Variants in GREB1 observed in about 807,000 individuals in gnomAD.
GREB1 encodes protein GREB1.
Under a neutral mutation model 200.7 loss-of-function variants are expected in GREB1, and 106 were observed. The observed-to-expected ratio is 0.53, with a 90% CI of 0.45 to 0.62. The LOEUF is 0.62. GREB1 is among the 20% of genes least tolerant of loss of function. The pLI is 0.00. For synonymous variants in GREB1, 1,132 were observed against 1,092.4 expected (o/e 1.04, Z -0.72); for missense variants, 2,243 against 2,556.8 (o/e 0.88, Z 2.65).
rs9287731 is a variant in GREB1, at chr2:11,512,669, T to A, written c.-159+30288T>A. Among the ~76,000 whole-genome samples the A allele has an allele frequency of 8.6e-4, 130 of 152,044 alleles. 1 individual carries two copies. The highest frequency in any genetic ancestry group is 3.1e-3 in the African/African-American group (127 of 41,480). ...ACCCCACCAGCTAGTACAGGAGCTCTTTGCTCAAATCAACCACCAAGCCTC... is the reference window on the plus strand; with the variant it reads ...ACCCCACCAGCTAGTACAGGAGCTCATTGCTCAAATCAACCACCAAGCCTC... On this transcript the variant is annotated intron_variant, in intron 1 of 2. Coordinates refer to the GREB1 transcript ENST00000628795.
chr2:11,585,075 C>A, intron 7 of GREB1, 86 bp from the exon 8 acceptor site: 4 of 627,792 alleles, frequency 6.4e-6, no homozygotes, highest in Non-Finnish European at 1.0e-5. Context: ...CAAAACAAAA[C>A]AGATCATTGT....
intron 1 of GREB1, among the ~76,000 whole-genome samples, chr2:11,499,301 C>A (rs369574839): frequency 9.8e-4 from 150 of 152,352 alleles, no homozygotes; most frequent in African/African-American, 3.5e-3. Context: ...TGGGAAACAG[C>A]AACAGCAAGG....
At chr2:11,538,094 C>T (rs184043992) in intron 1 of GREB1, among the ~76,000 whole-genome samples, 5 of 152,284 alleles carry the variant, frequency 3.3e-5, no homozygotes, top group Non-Finnish European at 2.9e-5. Flanking sequence ...GCCTCCCCAA[C>T]GAGTAAAGCC....
At chr2:11,532,575 C>T (rs1290190489), upstream of GREB1, among the ~76,000 whole-genome samples, 2 of 152,170 alleles carry the variant, frequency 1.3e-5, no homozygotes, top group African/African-American at 4.8e-5. Context: ...TTCTGATTGC[C>T]GCAGCAGACA....
chr2:11,533,710 G>T (rs1196290483), upstream of GREB1, among the ~76,000 whole-genome samples: 1 of 152,196 alleles, frequency 6.6e-6, no homozygotes, highest in Non-Finnish European at 1.5e-5. Context: ...ACGTTTTGGG[G>T]TAGCCAGAAA....
intron 15 of GREB1, among the ~76,000 whole-genome samples, chr2:11,600,079 G>C (rs1175447514): frequency 6.6e-6 from 1 of 152,200 alleles, no homozygotes; most frequent in African/African-American, 2.4e-5. Flanking sequence ...AGTTAGGCTG[G>C]TCAGGACATG....
chr2:11,586,480 T>C (rs1471759390), intron 9 of GREB1, among the ~76,000 whole-genome samples: 5 of 152,104 alleles, frequency 3.3e-5, no homozygotes, highest in Non-Finnish European at 7.4e-5. Flanking sequence ...GCTGAAGAAA[T>C]CTCTTTGATG....
intron 17 of GREB1, among the ~76,000 whole-genome samples, chr2:11,609,362 G>A (rs1334313098): frequency 6.6e-6 from 1 of 151,900 alleles, no homozygotes; most frequent in East Asian, 1.9e-4. Context: ...TCCATCTCCT[G>A]AGTTCAAGCG....
At chr2:11,518,300 A>G (rs1673579165) in intron 1 of GREB1, among the ~76,000 whole-genome samples, 1 of 152,196 alleles carries the variant, frequency 6.6e-6, no homozygotes, top group Admixed American at 6.5e-5. Context: ...AAATTCGTGT[A>G]TAGGAGAAAG....
At position 11,637,801 on chromosome 2, in the gene GREB1, A is replaced by G. The variant is rs780956645; in HGVS notation, c.5432A>G (p.Gln1811Arg). ...SKHTFLAAPA[Q>R]LLLEKFLQHH... The stretch of plus-strand genomic sequence containing the variant: ...CACACGTTCCTCGCAGCGCCCGCCC[A>G]GCTCCTGCTGGAGAAGTTCCTGCAG... The change falls in exon 31 of 33, where the codon CAG becomes CGG. Residue 1811 changes from glutamine to arginine, a missense_variant. By Grantham distance (43) the Gln-to-Arg change is conservative. Transcript: ENST00000381486. 10 of 1,614,016 alleles carry G rather than the reference A, an allele frequency of 6.2e-6. No homozygotes were observed. The highest frequency in any genetic ancestry group is 7.6e-6 in the Non-Finnish European group (9 of 1,180,028).
intron 1 of GREB1, among the ~76,000 whole-genome samples, chr2:11,541,428 G>A (rs1357514879): frequency 6.6e-6 from 1 of 150,730 alleles, no homozygotes; most frequent in Non-Finnish European, 1.5e-5. Flanking sequence ...ATCCGCGAGT[G>A]AGTGGATGGC....
In GREB1 at chr2:11,486,553, T is replaced by TA. The variant is rs1195268581; in HGVS notation, c.-159+4181dup. On this transcript the variant is annotated intron_variant, in intron 1 of 2. Transcript: ENST00000628795. ...AAAATTTAAGAAAATACAGAAGAGT[T>TA]AAAAAAAAACAAAAAACAGCCAGGT... Among the ~76,000 whole-genome samples, 186 of 150,010 alleles carry TA rather than the reference T, an allele frequency of 1.2e-3. 1 individual carries two copies. The highest frequency in any genetic ancestry group is 3.5e-3 in the African/African-American group (142 of 40,888).
chr2:11,588,219 C>T (rs1390418230), intron 9 of GREB1: 3 of 915,248 alleles, frequency 3.3e-6, no homozygotes, highest in Non-Finnish European at 4.0e-6. Context: ...CAGAGCAAGA[C>T]ACTGTCTCAA....
Position 11,492,591 on chromosome 2 carries a change from C to T in GREB1, c.-159+10210C>T, listed in dbSNP as rs752365377. Among the ~76,000 whole-genome samples the T allele has an allele frequency of 2.0e-5, 3 of 152,194 alleles. No individual in the cohort carries two copies. The highest frequency in any genetic ancestry group is 4.4e-5 in the Non-Finnish European group (3 of 68,038). ...GTCCCCCCTGAGCTGAGTTCCCACT[C>T]ACTGGGGCCTGTGAGTGCATGAATG... On this transcript the variant is annotated intron_variant, in intron 1 of 2. Coordinates refer to the GREB1 transcript ENST00000628795. This position sits in a 1 kb window ranked among gnomAD's most constrained non-coding sequence, Gnocchi z 4.0.
chr2:11,488,202 CG>C (rs35055002), intron 1 of GREB1, among the ~76,000 whole-genome samples: 1 of 152,060 alleles, frequency 6.6e-6, no homozygotes, highest in African/African-American at 2.4e-5. Flanking sequence ...CTCGGAAACT[CG>C]GGGGGTGGTG....
intron 1 of GREB1, among the ~76,000 whole-genome samples, chr2:11,549,936 T>C (rs1186991830): frequency 6.6e-6 from 1 of 152,230 alleles, no homozygotes. Flanking sequence ...AGTTGCTGAT[T>C]GGCCAGCTGT....
chr2:11,614,124 G>GTTTTTTTTTTTTTTTTT (rs1558636075), intron 19 of GREB1, among the ~76,000 whole-genome samples: 1 of 133,400 alleles, frequency 7.5e-6, no homozygotes. Flanking sequence ...AGCGGACTTA[G>GTTTTTTTTTTTTTTTTT]ATTTTTTTTT....
chr2:11,562,462 G>T lies in GREB1; in HGVS notation c.158-1G>T, dbSNP rs1441221967. The stretch of plus-strand genomic sequence containing the variant: ...CTCATCACTCTTCTTCCCGCATCTA[G>T]GTGGTAGCCGAGTGGACAATGAGGA... On this transcript the variant is annotated splice_acceptor_variant, in intron 2 of 32. Transcript: ENST00000381486. LOFTEE classifies it high-confidence loss of function. 4 of 1,612,318 alleles carry T rather than the reference G, an allele frequency of 2.5e-6. No individual in the cohort carries two copies. The highest frequency in any genetic ancestry group is 3.4e-6 in the Non-Finnish European group (4 of 1,179,136).
chr2:11,563,488 G>T (rs577378399), intron 3 of GREB1, among the ~76,000 whole-genome samples: 3 of 152,320 alleles, frequency 2.0e-5, no homozygotes, highest in African/African-American at 7.2e-5. Flanking sequence ...TGAGCCACAC[G>T]ACCTCTTTGC....
Sources: allele counts gnomAD v4.1 joint callset (sites outside exome capture counted in the v4.1 genomes callset), GRCh38; gene constraint gnomAD v4.1.1; non-coding constraint Gnocchi (gnomAD v3.1); transcripts MANE v1.5; gene names NCBI Gene and HGNC (gene_info 2026-07-23, HGNC 2026-07-21).